The following SEMA5A variants were observed in gnomAD, a reference collection of about 807,000 sequenced individuals.
SEMA5A encodes the protein semaphorin-5A.
In SEMA5A, 55 loss-of-function variants were observed where a neutral mutation model predicts 135.5. That is an observed-to-expected ratio of 0.41 (90% confidence interval 0.33 to 0.51). The LOEUF is 0.51. Ranked by LOEUF, SEMA5A falls within the 20% of genes least tolerant of loss-of-function variation. The pLI is 0.37. For missense variants in SEMA5A, 1,290 were observed against 1,419.9 expected, an observed-to-expected ratio of 0.91 and a Z score of 1.47; for synonymous variants, 580 against 546.5, an observed-to-expected ratio of 1.06 and a Z score of -0.85.
At chr5:9,518,094 T>A (rs1425251122) in intron 1 of SEMA5A, 2 of 152,122 alleles carry the variant, frequency 1.3e-5, no homozygotes, top group Admixed American at 1.3e-4. Flanking sequence ...AACAAAAAAA[T>A]TAACGATGAA....
intron 3 of SEMA5A, among the ~76,000 whole-genome samples, chr5:9,352,703 G>A (rs931984474): frequency 5.3e-5 from 8 of 152,208 alleles, no homozygotes; most frequent in African/African-American, 1.9e-4. Context: ...TGAAATATAA[G>A]TATTAGTCTC....
intron 1 of SEMA5A, among the ~76,000 whole-genome samples, chr5:9,526,623 G>A (rs1055309746): frequency 2.0e-5 from 3 of 152,162 alleles, no homozygotes; most frequent in Admixed American, 1.3e-4. Context: ...ATGAGCCCTT[G>A]AGCCATCAGC....
intron 11 of SEMA5A, among the ~76,000 whole-genome samples, chr5:9,174,557 C>G (rs186602362): frequency 1.3e-5 from 2 of 152,286 alleles, no homozygotes; most frequent in East Asian, 3.9e-4. Context: ...CCTTCCATGT[C>G]CTTCAGAATG....
chr5:9,231,413 G>A lies in SEMA5A; in HGVS notation c.334-4446C>T, dbSNP rs546711957. Among the ~76,000 whole-genome samples, 9 of 142,322 alleles carry A rather than the reference G, an allele frequency of 6.3e-5. No individual in the cohort carries two copies. In the East Asian group the frequency reaches 1.9e-3, roughly 30 times the overall value. The allele number at this position is 142,322 out of a possible 152,430, so 93.4% of individuals were successfully genotyped here. On this transcript the variant is annotated intron_variant, in intron 6 of 22. Coordinates refer to ENST00000382496, the MANE Select transcript of SEMA5A (RefSeq NM_003966.3). ...ACTCAGGAGGCGGAGCTTACAGTGA[G>A]CCAAGATGGCGCCACTGCACTCCAG...
intron 8 of SEMA5A, among the ~76,000 whole-genome samples, chr5:9,222,366 C>T (rs1747053015): frequency 6.6e-6 from 1 of 152,120 alleles, no homozygotes; most frequent in South Asian, 2.1e-4. Context: ...TAACAAAACA[C>T]AGGAGAGGTA....
intron 5 of SEMA5A, among the ~76,000 whole-genome samples, chr5:9,314,239 C>T (rs1227789250): frequency 1.3e-5 from 2 of 152,068 alleles, no homozygotes; most frequent in African/African-American, 2.4e-5. Context: ...GTCAAACGTT[C>T]TGTCACTTAT....
intron 5 of SEMA5A, among the ~76,000 whole-genome samples, chr5:9,293,596 A>C (rs1579293958): frequency 6.6e-6 from 1 of 152,322 alleles, no homozygotes; most frequent in East Asian, 1.9e-4. Context: ...ATTTTGTCAC[A>C]GTTTGTGTTT....
chr5:9,477,454 C>A (rs767073544), intron 1 of SEMA5A, among the ~76,000 whole-genome samples: 1 of 152,150 alleles, frequency 6.6e-6, no homozygotes, highest in Non-Finnish European at 1.5e-5. Flanking sequence ...TTCCTAGAGA[C>A]TTGTTGAATG....
chr5:9,476,018 T>C (rs74318964), intron 1 of SEMA5A, among the ~76,000 whole-genome samples: 1 of 152,360 alleles, frequency 6.6e-6, no homozygotes, highest in East Asian at 1.9e-4. Context: ...AAGGAGATAT[T>C]AGGCTATACA....
At chr5:9,082,634 C>G (rs1375742613) in intron 16 of SEMA5A, among the ~76,000 whole-genome samples, 2 of 152,108 alleles carry the variant, frequency 1.3e-5, no homozygotes, top group Non-Finnish European at 2.9e-5. Flanking sequence ...AGAAAGTCAT[C>G]CACAATGCTA....
chr5:9,381,538 T>C (rs1449271646), intron 2 of SEMA5A, among the ~76,000 whole-genome samples: 2 of 152,186 alleles, frequency 1.3e-5, no homozygotes, highest in Non-Finnish European at 2.9e-5. Context: ...CTACATCCTG[T>C]AGCTTAGAAC....
Position 9,337,798 on chromosome 5 carries a change from A to G in SEMA5A, c.139T>C (p.Leu47=), listed in dbSNP as rs758780339. ...GCATTCTTCGCTCTGAACTCCCGTA[A>G]CCAGGGGCCAATTTCTAAATAGAAA... ...VISYKEIGPW[L]REFRAKNAVD... Residue 47 remains leucine (L), a synonymous_variant, in exon 4 of 23, where the codon TTA becomes CTA. Coordinates refer to ENST00000382496, the MANE Select transcript of SEMA5A (RefSeq NM_003966.3). The G allele has an allele frequency of 4.4e-6, 7 of 1,602,432 alleles. 1 individual carries two copies. The South Asian group carries it at 7.9e-5, about 18-fold the overall frequency.
At chr5:9,156,600 G>T (rs1401323113) in intron 11 of SEMA5A, among the ~76,000 whole-genome samples, 2 of 152,270 alleles carry the variant, frequency 1.3e-5, no homozygotes, top group African/African-American at 4.8e-5. Flanking sequence ...GAGACCCCTG[G>T]GTGAAACAGG....
chr5:9,267,700 A>G (rs1180324618), intron 5 of SEMA5A, among the ~76,000 whole-genome samples: 5 of 152,138 alleles, frequency 3.3e-5, no homozygotes, highest in Non-Finnish European at 5.9e-5. Context: ...AAAGTATAGA[A>G]TTCAACTAAA....
intron 5 of SEMA5A, among the ~76,000 whole-genome samples, chr5:9,278,884 C>A (rs546458414): frequency 2.6e-5 from 4 of 152,346 alleles, no homozygotes; most frequent in African/African-American, 9.6e-5. Context: ...GATGTCCAGG[C>A]AGAAGTCTGC....
At chr5:9,327,486 C>A (rs1395014940) in intron 4 of SEMA5A, among the ~76,000 whole-genome samples, 1 of 152,032 alleles carries the variant, frequency 6.6e-6, no homozygotes, top group Non-Finnish European at 1.5e-5. Context: ...AAAGAACACA[C>A]TAAAACTGAG....
chr5:9,074,835 G>T (rs570406966), intron 16 of SEMA5A, among the ~76,000 whole-genome samples: 1 of 152,078 alleles, frequency 6.6e-6, no homozygotes, highest in Admixed American at 6.5e-5. Context: ...ACCCAAAATC[G>T]TGTCACAGTA....
intron 5 of SEMA5A, among the ~76,000 whole-genome samples, chr5:9,262,761 G>T (rs1344846708): frequency 9.8e-6 from 1 of 102,130 alleles, no homozygotes; most frequent in Non-Finnish European, 1.9e-5. Context: ...TCGGGGGAGG[G>T]GGGAGGGATA....
chr5:9,152,609 C>T (rs1046946864), intron 12 of SEMA5A, among the ~76,000 whole-genome samples: 3 of 152,216 alleles, frequency 2.0e-5, no homozygotes, highest in African/African-American at 7.2e-5. Context: ...TCTTGACAGG[C>T]TTATTGCTGT....
Sources: gnomAD v4.1 joint callset for allele counts (sites outside exome capture counted in the v4.1 genomes callset) on GRCh38, gnomAD v4.1.1 for gene constraint, MANE v1.5 for transcripts, NCBI Gene and HGNC (gene_info 2026-07-23, HGNC 2026-07-21) for gene names.